The following PSMB7 variants were observed in gnomAD, a reference collection of about 807,000 sequenced individuals.
The protein encoded by PSMB7 is proteasome subunit beta type-7.
Under a neutral mutation model 28.1 loss-of-function variants are expected in PSMB7, and 5 were observed. That is an observed-to-expected ratio of 0.18 (90% confidence interval 0.09 to 0.37). PSMB7 has a LOEUF of 0.37. Among genes scored for constraint, PSMB7 ranks in the 10% least tolerant of loss-of-function variants. The pLI is 1.00. For synonymous variants in PSMB7, 122 were observed against 123.7 expected, an observed-to-expected ratio of 0.99 and a Z score of 0.09; for missense variants, 275 against 346.2, an observed-to-expected ratio of 0.79 and a Z score of 1.63.
intron 5 of PSMB7, among the ~76,000 whole-genome samples, chr9:124,404,310 G>C (rs541356470): frequency 2.1e-4 from 32 of 152,222 alleles, no homozygotes; most frequent in African/African-American, 7.2e-4. Flanking sequence ...TTCATATGCA[G>C]ATGTAAAAAA....
At chr9:124,357,794 A>T (rs542952060) in intron 6 of PSMB7, among the ~76,000 whole-genome samples, 2 of 152,320 alleles carry the variant, frequency 1.3e-5, no homozygotes, top group East Asian at 3.9e-4. Context: ...AGAGTCTAGC[A>T]GGGGCACCTG....
intron 6 of PSMB7, among the ~76,000 whole-genome samples, chr9:124,362,274 TA>T (rs1020213399): frequency 7.2e-5 from 11 of 152,230 alleles, no homozygotes; most frequent in Non-Finnish European, 1.3e-4. Flanking sequence ...AGAGCTGGCC[TA>T]GGGGGCAGAA....
chr9:124,406,388 G>A (rs1830963620), intron 4 of PSMB7, among the ~76,000 whole-genome samples: 1 of 150,792 alleles, frequency 6.6e-6, no homozygotes, highest in African/African-American at 2.4e-5. Context: ...TGTAGTCCCA[G>A]ATACTTGGGA....
At chr9:124,362,442 C>A (rs546495037) in intron 6 of PSMB7, among the ~76,000 whole-genome samples, 2 of 152,322 alleles carry the variant, frequency 1.3e-5, no homozygotes, top group African/African-American at 4.8e-5. Context: ...AGCAAGAATG[C>A]GGATGGCATC....
rs141603933 is a variant in PSMB7, at chr9:124,356,257, C to T, written c.722+507G>A. 3.0e-3 allele frequency among the ~76,000 whole-genome samples: 459 copies of T among 152,292 alleles called. 3 individuals are homozygous for T. The highest frequency in any genetic ancestry group is 0.01 in the African/African-American group (436 of 41,556). On this transcript the variant is annotated intron_variant, in intron 7 of 7. Transcript: ENST00000259457. The surrounding 1 kb of genome is among the most constrained non-coding windows in gnomAD (Gnocchi z 4.4). ...CTGAGTCTGCGCTGCACCACTGAGC[C>T]GAGGGGCCCACTCGGCATGTAGGCT...
chr9:124,360,586 C>T (rs954381239), intron 6 of PSMB7, among the ~76,000 whole-genome samples: 7 of 152,236 alleles, frequency 4.6e-5, no homozygotes, highest in African/African-American at 1.2e-4. Flanking sequence ...GCCTTACCCT[C>T]GTTACCAAAA....
chr9:124,355,017 G>A (rs1830386374), intron 7 of PSMB7, among the ~76,000 whole-genome samples: 1 of 152,262 alleles, frequency 6.6e-6, no homozygotes, highest in South Asian at 2.1e-4. Flanking sequence ...AGGCCCACTG[G>A]CGCATGGCAC....
At chr9:124,397,279 G>A (rs147480990) in intron 5 of PSMB7, among the ~76,000 whole-genome samples, 7 of 152,290 alleles carry the variant, frequency 4.6e-5, no homozygotes, top group Non-Finnish European at 5.9e-5. Context: ...CTGGATGAAC[G>A]CTGCTCTCAT....
intron 6 of PSMB7, among the ~76,000 whole-genome samples, chr9:124,377,312 G>C (rs1830622116): frequency 6.6e-6 from 1 of 152,120 alleles, no homozygotes. Context: ...TAGCTCCCAA[G>C]CCCCATGCCC....
At chr9:124,384,511 G>T (rs911606791) in intron 6 of PSMB7, 87 bp downstream of exon 6, 16 of 1,264,290 alleles carry the variant, frequency 1.3e-5, no homozygotes, top group Non-Finnish European at 1.7e-5. Flanking sequence ...GTACAAGCTC[G>T]GGAGGAATCA....
chr9:124,364,659 C>T (rs1400258020), intron 6 of PSMB7, among the ~76,000 whole-genome samples: 3 of 152,072 alleles, frequency 2.0e-5, no homozygotes, highest in South Asian at 2.1e-4. Context: ...GCAAAAACAA[C>T]GCGGCCCGTG....
intron 6 of PSMB7, among the ~76,000 whole-genome samples, chr9:124,380,022 G>A (rs993105636): frequency 6.6e-6 from 1 of 152,150 alleles, no homozygotes; most frequent in Non-Finnish European, 1.5e-5. Flanking sequence ...AGATGCCTCT[G>A]AAAACAGCCA....
intron 5 of PSMB7, among the ~76,000 whole-genome samples, chr9:124,395,508 ATAAGT>A (rs1830831229): frequency 6.6e-6 from 1 of 152,122 alleles, no homozygotes; most frequent in South Asian, 2.1e-4. Context: ...ATAAAAACAA[ATAAGT>A]TAATTATTAT....
At chr9:124,393,836 A>T (rs1359201997) in intron 5 of PSMB7, among the ~76,000 whole-genome samples, 2 of 152,238 alleles carry the variant, frequency 1.3e-5, no homozygotes, top group African/African-American at 2.4e-5. Flanking sequence ...ATGGAGAGAG[A>T]ACATTTTTTC....
At chr9:124,369,743 G>C in intron 6 of PSMB7, among the ~76,000 whole-genome samples, 1 of 152,184 alleles carries the variant, frequency 6.6e-6, no homozygotes, top group East Asian at 1.9e-4. Flanking sequence ...TGTCCGGAAT[G>C]GTCTCCTTCT....
chr9:124,388,908 T>C (rs1162010057), intron 5 of PSMB7, among the ~76,000 whole-genome samples: 1 of 152,194 alleles, frequency 6.6e-6, no homozygotes, highest in Non-Finnish European at 1.5e-5. Flanking sequence ...TCTCTGCAAC[T>C]TGTCCATCCT....
At chr9:124,360,287 A>G (rs1830453371) in intron 6 of PSMB7, among the ~76,000 whole-genome samples, 2 of 152,264 alleles carry the variant, frequency 1.3e-5, no homozygotes, top group Admixed American at 1.3e-4. Context: ...CCAGCCCACA[A>G]TAAGCGCAAG....
chr9:124,363,241 T>G (rs763477626), intron 6 of PSMB7, among the ~76,000 whole-genome samples: 2 of 152,226 alleles, frequency 1.3e-5, no homozygotes, highest in African/African-American at 2.4e-5. Flanking sequence ...TGGAGACCAT[T>G]CAAAGACAAG....
chr9:124,399,009 C>CAAAAAAAAAAAA (rs34386702), intron 5 of PSMB7, among the ~76,000 whole-genome samples: 2 of 129,302 alleles, frequency 1.5e-5, no homozygotes, highest in African/African-American at 2.9e-5. Context: ...AAGCTTTAAC[C>CAAAAAAAAAAAA]AAAAAAAAAA....
Sources: allele counts gnomAD v4.1 joint callset (sites outside exome capture counted in the v4.1 genomes callset), GRCh38; gene constraint gnomAD v4.1.1; non-coding constraint Gnocchi (gnomAD v3.1); transcripts MANE v1.5; gene names NCBI Gene and HGNC (gene_info 2026-07-23, HGNC 2026-07-21).